Variants in ROCK2 observed in about 807,000 individuals in gnomAD.
The protein encoded by ROCK2 is rho-associated protein kinase 2.
Under a neutral mutation model 195.1 loss-of-function variants are expected in ROCK2, and 61 were observed. The ratio of observed to expected loss-of-function variants is 0.31; its 90% CI spans 0.25 to 0.39. ROCK2 has a LOEUF of 0.39. ROCK2 is among the 10% of genes least tolerant of loss of function. The probability of loss-of-function intolerance (pLI) is 1.00; values close to 1 mark genes in which losing one functional copy is unlikely to be tolerated. For missense variants in ROCK2, 1,109 were observed against 1,637.4 expected, an observed-to-expected ratio of 0.68 and a Z score of 5.57; for synonymous variants, 504 against 545.5, an observed-to-expected ratio of 0.92 and a Z score of 1.06.
At chr2:11,305,472 C>CACAG (rs1667831350) in intron 1 of ROCK2, among the ~76,000 whole-genome samples, 1 of 147,964 alleles carries the variant, frequency 6.8e-6, no homozygotes, top group Non-Finnish European at 1.5e-5. Context: ...CACACACACA[C>CACAG]ACACACTTAC....
intron 4 of ROCK2, 113 bp downstream of exon 4, chr2:11,249,548 C>A: frequency 1.3e-6 from 1 of 776,618 alleles, no homozygotes; most frequent in Non-Finnish European, 1.9e-6. Context: ...CTAAAAATAA[C>A]TGCACTGTTA....
At chr2:11,309,399 G>A (rs1667963407) in intron 1 of ROCK2, among the ~76,000 whole-genome samples, 1 of 152,112 alleles carries the variant, frequency 6.6e-6, no homozygotes, top group African/African-American at 2.4e-5. Context: ...ATGTACGCGT[G>A]TGTGCATATG....
At chr2:11,216,234 A>G (rs781248374) in intron 12 of ROCK2, 28 bp from the exon 13 acceptor site, 3 of 1,454,196 alleles carry the variant, frequency 2.1e-6, no homozygotes, top group East Asian at 4.5e-5. Context: ...GAAACAGTAA[A>G]TAACTTCTAA....
At chr2:11,283,179 A>G (rs1667066327) in intron 3 of ROCK2, among the ~76,000 whole-genome samples, 1 of 151,908 alleles carries the variant, frequency 6.6e-6, no homozygotes, top group Admixed American at 6.6e-5. Flanking sequence ...AGGCAGGAAG[A>G]ATCACTGGAA....
chr2:11,318,013 T>G (rs1488728756), intron 1 of ROCK2, among the ~76,000 whole-genome samples: 1 of 152,162 alleles, frequency 6.6e-6, no homozygotes, highest in East Asian at 1.9e-4. Context: ...AGTCTATCAT[T>G]GTTGGACATT....
intron 1 of ROCK2, among the ~76,000 whole-genome samples, chr2:11,339,819 G>A (rs1000316325): frequency 6.6e-5 from 10 of 152,328 alleles, no homozygotes; most frequent in African/African-American, 2.4e-4. Flanking sequence ...CAGGGTAGCA[G>A]ATGAGAGAGG....
intron 4 of ROCK2, among the ~76,000 whole-genome samples, chr2:11,248,024 G>A (rs940145685): frequency 7.3e-5 from 11 of 150,642 alleles, no homozygotes; most frequent in African/African-American, 2.7e-4. Context: ...TCCGTCTCAA[G>A]GGAAAAAAAA....
At chr2:11,338,883 AT>A (rs1669017781) in intron 1 of ROCK2, among the ~76,000 whole-genome samples, 1 of 151,452 alleles carries the variant, frequency 6.6e-6, no homozygotes, top group South Asian at 2.1e-4. Context: ...TTTATGAAGT[AT>A]AGAAGAAGTC....
At chr2:11,223,550 T>C (rs72785501) in intron 7 of ROCK2, among the ~76,000 whole-genome samples, 6,509 of 152,246 alleles carry the variant, frequency 0.043, 273 homozygotes, top group Non-Finnish European at 0.06. Flanking sequence ...AAGCTAGAAA[T>C]GCCCTTAGTT....
At chr2:11,309,634 T>C (rs151240878) in intron 1 of ROCK2, among the ~76,000 whole-genome samples, 5 of 152,294 alleles carry the variant, frequency 3.3e-5, no homozygotes, top group African/African-American at 1.2e-4. Flanking sequence ...AAAATGAGTA[T>C]ATGAAATATA....
At chr2:11,244,249 G>A (rs1328489498) in intron 4 of ROCK2, among the ~76,000 whole-genome samples, 1 of 152,054 alleles carries the variant, frequency 6.6e-6, no homozygotes, top group African/African-American at 2.4e-5. Context: ...AAATACTTAT[G>A]TAATATCTTC....
rs377161475 is a variant in ROCK2, at chr2:11,194,979, A to T, written c.3495T>A (p.Thr1165=). ...CCTTTTTAACCCATCCAAATTTCTT[A>T]GTGTTGTTTCGTACAGGCAATGAAA... ...GWLSLPVRNN[T]KKFGWVKKYV... is the part of the protein sequence containing the mutation. Residue 1165 remains threonine (T), a synonymous_variant, in exon 28 of 33, where the codon ACT becomes ACA. Coordinates refer to ENST00000315872, the MANE Select transcript of ROCK2 (RefSeq NM_004850.5). 14 of 1,580,446 alleles carry T rather than the reference A, an allele frequency of 8.9e-6. No homozygotes were observed. Among genetic ancestry groups the T allele is most frequent in the Non-Finnish European group, 1.2e-5 (14 of 1,161,740 alleles).
At position 11,202,194 on chromosome 2, in the gene ROCK2, T is replaced by TG. The variant is rs1025052516; in HGVS notation, c.2550-74dup. ...AACGAGCAGCTCTCAAAGTATGGTC[T>TG]GGGGGAAGCCCTGGGAGTCTCTGAG... On this transcript the variant is annotated intron_variant, in intron 20 of 32. Transcript: ENST00000315872. The TG allele has an allele frequency of 8.9e-6, 11 of 1,241,122 alleles. No homozygotes were observed. The African/African-American group carries it at 1.6e-4, about 18-fold the overall frequency. The allele number at this position is 1,241,122 out of a possible 1,614,324, so 76.9% of individuals were successfully genotyped here.
chr2:11,327,448 G>A (rs1668583426), intron 1 of ROCK2, among the ~76,000 whole-genome samples: 1 of 152,184 alleles, frequency 6.6e-6, no homozygotes, highest in African/African-American at 2.4e-5. Context: ...AAACTATAAA[G>A]CCAGAGTCCT....
chr2:11,282,942 G>C (rs2148186857), intron 3 of ROCK2, among the ~76,000 whole-genome samples: 1 of 152,092 alleles, frequency 6.6e-6, no homozygotes. Context: ...ATCAAAAAAT[G>C]GGCCAAAGAC....
At chr2:11,199,721 C>G (rs1007150934) in intron 23 of ROCK2, among the ~76,000 whole-genome samples, 3 of 152,148 alleles carry the variant, frequency 2.0e-5, no homozygotes, top group African/African-American at 7.2e-5. Context: ...AAATGAAGAT[C>G]TGATGTAATA....
At chr2:11,188,621 TTA>T (rs1553294704) in intron 32 of ROCK2, among the ~76,000 whole-genome samples, 3 of 55,602 alleles carry the variant, frequency 5.4e-5, no homozygotes, top group South Asian at 8.1e-4. Context: ...TATTTTATTT[TTA>T]TTTTTTTATT....
chr2:11,221,203 T>G lies in ROCK2; in HGVS notation c.1254A>C (p.Glu418Asp). 1 of 1,551,970 alleles carries G rather than the reference T, an allele frequency of 6.4e-7. No homozygotes were observed. The highest frequency in any genetic ancestry group is 8.6e-7 in the Non-Finnish European group (1 of 1,157,532). The change falls in exon 9 of 33, where the codon GAA (glutamate) becomes GAC (aspartate). Residue 418 changes from glutamate to aspartate, a missense_variant. By Grantham distance (45) the Glu-to-Asp change is conservative (BLOSUM62 2). This residue lies in a region of ROCK2 where 542 missense variants were observed against 672.0 expected (regional missense o/e 0.81). Coordinates refer to ENST00000315872, the MANE Select transcript of ROCK2 (RefSeq NM_004850.5). Reference protein sequence around the residue: ...LPFIGFTYYRENLLLSDSPSC... With the variant: ...LPFIGFTYYRDNLLLSDSPSC... ...ACAAATAATAAACCACATACAAATT[T>G]TCTCTATAGTAGGTAAATCCGATGA...
At chr2:11,326,346 A>G (rs1306923060) in intron 1 of ROCK2, among the ~76,000 whole-genome samples, 2 of 152,268 alleles carry the variant, frequency 1.3e-5, no homozygotes, top group African/African-American at 4.8e-5. Flanking sequence ...AGAAGACAGC[A>G]ATTTGACAAG....
Sources: allele counts gnomAD v4.1 joint callset (sites outside exome capture counted in the v4.1 genomes callset), GRCh38; gene constraint gnomAD v4.1.1; regional missense constraint gnomAD v4.1.1; transcripts MANE v1.5; gene names NCBI Gene and HGNC (gene_info 2026-07-23, HGNC 2026-07-21).